POC1B: variants seen among roughly 807,000 people sequenced by gnomAD.
POC1B encodes POC1 centriolar protein B, also known as POC1 centriolar protein homolog B.
POC1B carries 44 observed loss-of-function variants against 60.6 expected under a neutral mutation model. The ratio of observed to expected loss-of-function variants is 0.73; its 90% CI spans 0.57 to 0.93. POC1B has a LOEUF of 0.93. POC1B is among the 40% of genes least tolerant of loss of function. The pLI, the probability that POC1B is intolerant of heterozygous loss-of-function variation, is 0.00. For missense variants in POC1B, 555 were observed against 572.3 expected (o/e 0.97, Z 0.31); for synonymous variants, 180 against 198.9 (o/e 0.90, Z 0.80).
chr12:89,413,878 A>G, the POC1B span, among the ~76,000 whole-genome samples: 35 of 150,946 alleles, frequency 2.3e-4, no homozygotes, highest in East Asian at 5.8e-4. Flanking sequence ...TTATTTGTTT[A>G]TTTATTTATT....
At chr12:89,459,489 ATG>A (rs1882391917) in intron 10 of POC1B, 147 bp downstream of exon 10, 1 of 401,424 alleles carries the variant, frequency 2.5e-6, no homozygotes, top group Admixed American at 4.5e-5. Flanking sequence ...CATTGTAAAT[ATG>A]ACTATAAAGT....
rs75683772 is a variant in POC1B, at chr12:89,440,368, A to G, written c.1114-14989T>C. Among the ~76,000 whole-genome samples, 1,028 of 152,324 alleles carry G rather than the reference A, an allele frequency of 6.7e-3. 12 individuals are homozygous for G. Among genetic ancestry groups the G allele is most frequent in the African/African-American group, 0.024 (993 of 41,582 alleles). ...CTCCACGTATCTACCACTGCACCAA[A>G]TTCTCTTATGCCAGGTACATAAAAG... On this transcript the variant is annotated intron_variant, in intron 10 of 11. Transcript: ENST00000313546.
chr12:89,469,647 CAGA>C (rs2120841792), intron 7 of POC1B, among the ~76,000 whole-genome samples: 1 of 152,198 alleles, frequency 6.6e-6, no homozygotes, highest in Non-Finnish European at 1.5e-5. Context: ...AACAAATTAG[CAGA>C]AGGAGTGAGG....
In POC1B at chr12:89,525,528, G is replaced by C. The variant is rs1401883319; in HGVS notation, c.16-324C>G. On this transcript the variant is annotated intron_variant, in intron 1 of 11. Transcript: ENST00000313546. ...CCGCTGGCCCAAGGCAGGCAGGTGC[G>C]AGGATGCGCCTCGGCTTTGGTACTT... 2.3e-6 allele frequency: 3 copies of C among 1,306,128 alleles called. No homozygotes were observed. In the African/African-American group the frequency reaches 4.6e-5, roughly 20 times the overall value. The allele number at this position is 1,306,128 out of a possible 1,614,324, so 80.9% of individuals were successfully genotyped here. A position where few individuals can be genotyped will look rare whatever the true frequency, so the allele number is the denominator to read the frequency against.
At chr12:89,457,898 T>G (rs958069393) in intron 10 of POC1B, among the ~76,000 whole-genome samples, 2 of 152,222 alleles carry the variant, frequency 1.3e-5, no homozygotes, top group Non-Finnish European at 2.9e-5. Context: ...TGGTCCTGTA[T>G]TATAGATGTA....
At chr12:89,512,764 A>T (rs1331258078) in intron 2 of POC1B, among the ~76,000 whole-genome samples, 2 of 152,220 alleles carry the variant, frequency 1.3e-5, no homozygotes, top group Non-Finnish European at 1.5e-5. Context: ...ACTTTATTTA[A>T]TCCTAACAAC....
rs1260948487 is a variant in POC1B at position 89,420,389 on chromosome 12, C to T, written c.*764G>A. Reference sequence around the variant, plus strand: ...TGTATCACTCTGACTTTTTAGCATACTGAAAACACACTAACATAATTTTTG... The same window carrying T: ...TGTATCACTCTGACTTTTTAGCATATTGAAAACACACTAACATAATTTTTG... On this transcript the variant is annotated 3_prime_UTR_variant, in exon 12 of 12. Transcript: ENST00000313546. 6.6e-6 allele frequency: 1 copy of T among 152,162 alleles called. No homozygotes were observed. The highest frequency in any genetic ancestry group is 2.4e-5 in the African/African-American group (1 of 41,450). 9.4% of individuals were successfully genotyped at this position (152,162 alleles called of 1,614,324 possible). A position where few individuals can be genotyped will look rare whatever the true frequency, so the allele number is the denominator to read the frequency against.
Position 89,525,571 on chromosome 12 carries a change from TC to T in POC1B, c.15+309del. The T allele has an allele frequency of 3.9e-6, 5 of 1,286,938 alleles. No homozygotes were observed. The South Asian group carries it at 1.3e-4, about 34-fold the overall frequency. The allele number at this position is 1,286,938 out of a possible 1,614,324, so 79.7% of individuals were successfully genotyped here. A position where few individuals can be genotyped will look rare whatever the true frequency, so the allele number is the denominator to read the frequency against. On this transcript the variant is annotated intron_variant, in intron 1 of 11. Coordinates refer to ENST00000313546, the MANE Select transcript of POC1B (RefSeq NM_172240.3). ...TGGTACTTTTTTTTTTTTTAATACT[TC>T]CTAGGTGATTCTGACGCAGGCGCTC...
intron 2 of POC1B, among the ~76,000 whole-genome samples, chr12:89,504,347 G>T (rs1375748439): frequency 1.3e-5 from 2 of 152,182 alleles, no homozygotes; most frequent in African/African-American, 2.4e-5. Flanking sequence ...TGTCCACTCA[G>T]GGTTAAATGG....
intron 10 of POC1B, among the ~76,000 whole-genome samples, chr12:89,446,620 AG>A (rs1881800390): frequency 6.6e-6 from 1 of 152,072 alleles, no homozygotes; most frequent in Non-Finnish European, 1.5e-5. Context: ...GGAAGTGGGG[AG>A]GGATAGCATT....
At chr12:89,485,242 A>C (rs901688137) in intron 4 of POC1B, 4 of 152,220 alleles carry the variant, frequency 2.6e-5, no homozygotes, top group African/African-American at 7.2e-5. Context: ...ATCAAGGTTA[A>C]GTTCTCATGG....
chr12:89,416,754 C>T (rs1448295186), downstream of POC1B, among the ~76,000 whole-genome samples: 2 of 152,140 alleles, frequency 1.3e-5, no homozygotes, highest in South Asian at 4.1e-4. Context: ...TATAAAATTT[C>T]CAACTTTTAA....
In POC1B at chr12:89,506,861, G is replaced by A. The variant is rs911429605; in HGVS notation, c.101-9519C>T. Among the ~76,000 whole-genome samples the A allele has an allele frequency of 2.0e-5, 3 of 152,024 alleles. No individual in the cohort carries two copies. In the East Asian group the frequency reaches 5.8e-4, roughly 29 times the overall value. The stretch of plus-strand genomic sequence containing the variant: ...TGAAACTCACTCATTTCCTGCATCA[G>A]GACTTACTTTGGTCCTGGATAAATA... On this transcript the variant is annotated intron_variant, in intron 2 of 11. Transcript: ENST00000313546.
chr12:89,439,797 G>C (rs1317729986), intron 10 of POC1B, among the ~76,000 whole-genome samples: 1 of 151,990 alleles, frequency 6.6e-6, no homozygotes, highest in Non-Finnish European at 1.5e-5. Context: ...GTAGAGATGG[G>C]GTTTTGCCAT....
At chr12:89,483,505 G>A (rs1409804509) in intron 4 of POC1B, among the ~76,000 whole-genome samples, 1 of 152,038 alleles carries the variant, frequency 6.6e-6, no homozygotes, top group Non-Finnish European at 1.5e-5. Context: ...GAGAGGCAAG[G>A]GTCTCTCTGG....
chr12:89,485,921 A>ATCTTG (rs1355340462), intron 4 of POC1B, among the ~76,000 whole-genome samples: 8 of 152,086 alleles, frequency 5.3e-5, no homozygotes, highest in Admixed American at 5.2e-4. Context: ...TATCTGACCT[A>ATCTTG]TCTTGAACAC....
chr12:89,425,137 T>C (rs749840322), intron 11 of POC1B, 24 bp downstream of exon 11: 1 of 1,609,646 alleles, frequency 6.2e-7, no homozygotes, highest in Non-Finnish European at 8.5e-7. Context: ...CAAGTGCAAC[T>C]CATGCAACCT....
intron 2 of POC1B, chr12:89,500,400 C>T: frequency 6.6e-7 from 1 of 1,508,124 alleles, no homozygotes; most frequent in Non-Finnish European, 9.2e-7. Flanking sequence ...GTTGTAGAAC[C>T]AAGTGAAGCC....
chr12:89,470,085 T>C (rs1882830488), intron 7 of POC1B, among the ~76,000 whole-genome samples: 1 of 152,098 alleles, frequency 6.6e-6, no homozygotes, highest in Non-Finnish European at 1.5e-5. Context: ...TTGGCCAAGA[T>C]GGTCTCGATC....
Sources: allele counts gnomAD v4.1 joint callset (sites outside exome capture counted in the v4.1 genomes callset), GRCh38; gene constraint gnomAD v4.1.1; transcripts MANE v1.5; gene names NCBI Gene and HGNC (gene_info 2026-07-23, HGNC 2026-07-21).